The following FBRSL1 variants were observed in gnomAD, a reference collection of about 807,000 sequenced individuals.
The protein encoded by FBRSL1 is fibrosin like 1.
A neutral mutation model predicts 89.6 loss-of-function variants in FBRSL1; 51 were observed. The observed-to-expected ratio is 0.57, with a 90% CI of 0.45 to 0.72. The LOEUF (loss-of-function observed/expected upper bound fraction) is 0.72, where lower values mean the gene tolerates loss of function less well. Ranked by LOEUF, FBRSL1 falls within the 30% of genes least tolerant of loss-of-function variation. The pLI, the probability that FBRSL1 is intolerant of heterozygous loss-of-function variation, is 0.00. For missense variants in FBRSL1, 1,618 were observed against 1,451.8 expected (o/e 1.11, Z -1.86); for synonymous variants, 779 against 681.1 (o/e 1.14, Z -2.24).
intron 15 of FBRSL1, among the ~76,000 whole-genome samples, chr12:132,577,939 G>A (rs1047614255): frequency 1.3e-5 from 2 of 152,192 alleles, no homozygotes; most frequent in East Asian, 1.9e-4. Flanking sequence ...CCACATCCAC[G>A]CGTGTACGCA....
intron 2 of FBRSL1, among the ~76,000 whole-genome samples, chr12:132,517,100 G>C (rs1488533298): frequency 6.6e-6 from 1 of 152,252 alleles, no homozygotes; most frequent in Non-Finnish European, 1.5e-5. Flanking sequence ...CTCCTGTGCA[G>C]GGCCTGTGGA....
At chr12:132,500,739 C>T (rs1396968756) in intron 1 of FBRSL1, among the ~76,000 whole-genome samples, 1 of 152,052 alleles carries the variant, frequency 6.6e-6, no homozygotes, top group Non-Finnish European at 1.5e-5. Flanking sequence ...ACAGCCCATT[C>T]ACACCCTTAC....
At chr12:132,543,839 C>T (rs1348537382) in intron 4 of FBRSL1, among the ~76,000 whole-genome samples, 3 of 152,250 alleles carry the variant, frequency 2.0e-5, no homozygotes, top group African/African-American at 7.2e-5. Context: ...CCGAGCCCCA[C>T]TGCGGCTCTC....
chr12:132,578,222 G>A (rs566871234), intron 15 of FBRSL1, among the ~76,000 whole-genome samples: 24 of 152,262 alleles, frequency 1.6e-4, no homozygotes, highest in Non-Finnish European at 2.9e-4. Flanking sequence ...GCGCACGCCC[G>A]TGGTCCCAGC....
At chr12:132,555,220 C>G (rs941556371) in intron 5 of FBRSL1, among the ~76,000 whole-genome samples, 3 of 152,082 alleles carry the variant, frequency 2.0e-5, no homozygotes, top group Non-Finnish European at 4.4e-5. Context: ...GTGCTGGGCA[C>G]AGCTCTCCCT....
chr12:132,516,500 C>G (rs1487061978), intron 2 of FBRSL1, among the ~76,000 whole-genome samples: 1 of 152,174 alleles, frequency 6.6e-6, no homozygotes, highest in Non-Finnish European at 1.5e-5. Flanking sequence ...TCTGAAGAGT[C>G]TTACATCTGT....
At chr12:132,576,968 A>C (rs1593586299) in intron 15 of FBRSL1, 37 bp downstream of exon 15, 1 of 1,527,534 alleles carries the variant, frequency 6.5e-7, no homozygotes, top group South Asian at 1.2e-5. Context: ...GGGCACAGAA[A>C]CCTCCCGCTC....
Position 132,546,917 on chromosome 12 carries a change from G to A in FBRSL1, c.616-1086G>A, listed in dbSNP as rs1424333616. ...GCGGCTGCACATGGAGGGTGGCTGTGCGTTTGGTTCCCTGCATTAACCCAG... is the reference window on the plus strand; with the variant it reads ...GCGGCTGCACATGGAGGGTGGCTGTACGTTTGGTTCCCTGCATTAACCCAG... On this transcript the variant is annotated intron_variant, in intron 4 of 18. Transcript: ENST00000680143. This position sits in a 1 kb window ranked among gnomAD's most constrained non-coding sequence, Gnocchi z 4.0. 6.6e-6 allele frequency among the ~76,000 whole-genome samples: 1 copy of A among 152,258 alleles called. No homozygotes were observed. The highest frequency in any genetic ancestry group is 1.5e-5 in the Non-Finnish European group (1 of 68,048).
intron 6 of FBRSL1, 86 bp downstream of exon 6, chr12:132,567,612 G>T: frequency 1.5e-6 from 2 of 1,373,378 alleles, no homozygotes; most frequent in Non-Finnish European, 2.0e-6. Flanking sequence ...TCCCCCTGAA[G>T]TCAGGGGAGA....
intron 4 of FBRSL1, among the ~76,000 whole-genome samples, chr12:132,536,090 GGTGT>G (rs56666219): frequency 0.082 from 12,356 of 151,102 alleles, 531 homozygotes; most frequent in Middle Eastern, 0.13. Flanking sequence ...GTGTGTACAT[GGTGT>G]GTGTGTGTGC....
At chr12:132,559,872 G>A (rs1210427933) in intron 5 of FBRSL1, among the ~76,000 whole-genome samples, 1 of 151,146 alleles carries the variant, frequency 6.6e-6, no homozygotes, top group Non-Finnish European at 1.5e-5. Context: ...CCGGGCCGGC[G>A]GCGGGCGCGG....
intron 4 of FBRSL1, among the ~76,000 whole-genome samples, chr12:132,542,270 G>T (rs2037329384): frequency 6.6e-6 from 1 of 152,186 alleles, no homozygotes; most frequent in South Asian, 2.1e-4. Context: ...GCCCCACGGA[G>T]GACACATGTG....
intron 5 of FBRSL1, among the ~76,000 whole-genome samples, chr12:132,550,246 G>C (rs1221237945): frequency 6.6e-6 from 1 of 152,182 alleles, no homozygotes; most frequent in Non-Finnish European, 1.5e-5. Flanking sequence ...GAGCGGAGAG[G>C]GGCTGCCAGC....
intron 2 of FBRSL1, among the ~76,000 whole-genome samples, chr12:132,518,655 C>T (rs1030407765): frequency 1.0e-4 from 15 of 150,382 alleles, no homozygotes; most frequent in African/African-American, 3.7e-4. Context: ...TCCATCCACC[C>T]GTGCATCCAT....
chr12:132,507,718 G>C (rs2033850975), intron 1 of FBRSL1, among the ~76,000 whole-genome samples: 1 of 152,122 alleles, frequency 6.6e-6, no homozygotes, highest in African/African-American at 2.4e-5. Context: ...CCTGTGGGCT[G>C]TCACCTGGGG....
chr12:132,512,014 G>A, intron 2 of FBRSL1: 1 of 985,436 alleles, frequency 1.0e-6, no homozygotes, highest in South Asian at 4.7e-5. Flanking sequence ...TCCCACAAAG[G>A]GCTTTTGTGC....
rs553555692 is a variant in FBRSL1, at chr12:132,519,153, C to T, written c.490-6581C>T. Reference sequence around the variant, plus strand: ...TTGCCTGAGTCCCTGTTTACTGTGTCTGCCTGTGCTAGGTAGGCAAGGATA... The same window carrying T: ...TTGCCTGAGTCCCTGTTTACTGTGTTTGCCTGTGCTAGGTAGGCAAGGATA... On this transcript the variant is annotated intron_variant, in intron 2 of 18. Transcript: ENST00000680143. Among the ~76,000 whole-genome samples the T allele has an allele frequency of 2.6e-4, 39 of 152,392 alleles. No homozygotes were observed. The Middle Eastern group carries it at 0.01, about 40-fold the overall frequency.
At chr12:132,533,034 G>A (rs2036420477) in intron 4 of FBRSL1, among the ~76,000 whole-genome samples, 1 of 152,198 alleles carries the variant, frequency 6.6e-6, no homozygotes, top group Non-Finnish European at 1.5e-5. Flanking sequence ...AACTTGTACA[G>A]AAGCAATAAA....
At chr12:132,512,549 C>T (rs1047414372) in intron 2 of FBRSL1, among the ~76,000 whole-genome samples, 31 of 152,230 alleles carry the variant, frequency 2.0e-4, no homozygotes, top group Non-Finnish European at 4.1e-4. Flanking sequence ...TGCCTTCAGA[C>T]GTCCCTGTTG....
Sources: allele counts gnomAD v4.1 joint callset (sites outside exome capture counted in the v4.1 genomes callset), GRCh38; gene constraint gnomAD v4.1.1; non-coding constraint Gnocchi (gnomAD v3.1); transcripts MANE v1.5; gene names NCBI Gene and HGNC (gene_info 2026-07-23, HGNC 2026-07-21).